SND1: variants seen among roughly 807,000 people sequenced by gnomAD.
SND1 encodes staphylococcal nuclease and tudor domain containing 1.
In SND1, 38 loss-of-function variants were observed where a neutral mutation model predicts 121.7. The observed-to-expected ratio is 0.31, with a 90% CI of 0.24 to 0.41. The LOEUF (loss-of-function observed/expected upper bound fraction) is 0.41. SND1 is among the 10% of genes least tolerant of loss of function. The pLI is 1.00. For synonymous variants in SND1, 401 were observed against 447.4 expected, an observed-to-expected ratio of 0.90 and a Z score of 1.31; for missense variants, 868 against 1,184.6, an observed-to-expected ratio of 0.73 and a Z score of 3.92.
Position 127,951,351 on chromosome 7 carries a change from G to A in SND1, c.1669+22022G>A, listed in dbSNP as rs987672292. Among the ~76,000 whole-genome samples, 5 of 152,164 alleles carry A rather than the reference G, an allele frequency of 3.3e-5. No individual in the cohort carries two copies. The South Asian group carries it at 6.2e-4, about 19-fold the overall frequency. On this transcript the variant is annotated intron_variant, in intron 15 of 23. Transcript: ENST00000354725. The stretch of plus-strand genomic sequence containing the variant: ...ACAAATATTGCATGATTCCAGTTAC[G>A]CGAGGTAACTAAAATAGTGACACTC...
intron 1 of SND1, among the ~76,000 whole-genome samples, chr7:127,681,088 C>G (rs940666612): frequency 2.0e-5 from 3 of 152,128 alleles, no homozygotes; most frequent in South Asian, 4.1e-4. Flanking sequence ...AACCTCCAGA[C>G]TCTTTTCCAA....
chr7:127,942,006 A>C (rs1801224304), intron 15 of SND1, among the ~76,000 whole-genome samples: 2 of 150,692 alleles, frequency 1.3e-5, no homozygotes, highest in Admixed American at 6.6e-5. Flanking sequence ...CATATTGCGT[A>C]GAGTGGCCAT....
At chr7:127,741,960 A>G (rs1796888430) in intron 10 of SND1, among the ~76,000 whole-genome samples, 2 of 152,240 alleles carry the variant, frequency 1.3e-5, no homozygotes, top group East Asian at 1.9e-4. Context: ...TGCTGTCCCT[A>G]TCAGGTTGGA....
chr7:127,850,520 T>C (rs1005583101), intron 12 of SND1, among the ~76,000 whole-genome samples: 1 of 152,142 alleles, frequency 6.6e-6, no homozygotes, highest in Non-Finnish European at 1.5e-5. Flanking sequence ...CAACCCTTTT[T>C]CCCCACAGAT....
chr7:127,816,496 G>A (rs1290431805), intron 11 of SND1, among the ~76,000 whole-genome samples: 1 of 151,996 alleles, frequency 6.6e-6, no homozygotes, highest in African/African-American at 2.4e-5. Flanking sequence ...CAAGTGGGCT[G>A]GGCTGAAGAG....
chr7:128,015,177 C>T lies in SND1; in HGVS notation c.1779+24121C>T, dbSNP rs1297833611. Among the ~76,000 whole-genome samples the T allele has an allele frequency of 6.6e-6, 1 of 152,216 alleles. No individual in the cohort carries two copies. The highest frequency in any genetic ancestry group is 1.5e-5 in the Non-Finnish European group (1 of 68,038). On this transcript the variant is annotated intron_variant, in intron 16 of 23. Coordinates refer to ENST00000354725, the MANE Select transcript of SND1 (RefSeq NM_014390.4). This position sits in a 1 kb window ranked among gnomAD's most constrained non-coding sequence, Gnocchi z 4.5. Reference sequence around the variant, plus strand: ...GCCATACCCAGGGATGTCTGCCACTCCCATCCCCTCTCCTGCCCTGCTTTC... The same window carrying T: ...GCCATACCCAGGGATGTCTGCCACTTCCATCCCCTCTCCTGCCCTGCTTTC...
In SND1 at chr7:127,880,739, A is replaced by G. The variant is rs1314944168; in HGVS notation, c.1344-7163A>G. On this transcript the variant is annotated intron_variant, in intron 12 of 23. Coordinates refer to ENST00000354725, the MANE Select transcript of SND1 (RefSeq NM_014390.4). ...GGGGTGTGTGTGTGTGTGTGTGTGT[A>G]TAATGGTGTTATTCCCTGTGCCCAC... is the stretch of plus-strand genomic sequence containing the variant. Among the ~76,000 whole-genome samples the G allele has an allele frequency of 3.5e-5, 5 of 143,688 alleles. No individual in the cohort carries two copies. In the East Asian group the frequency reaches 1.1e-3, roughly 32 times the overall value. The allele number at this position is 143,688 out of a possible 152,430, so 94.3% of individuals were successfully genotyped here.
rs541023909 is a variant in SND1 at position 128,052,793 on chromosome 7, G to T, written c.1780-21709G>T. ...TTTGTGCCCTGAAAATCATTCCCTC[G>T]GATTTCAGTGTTACTTCGATGGGTC... On this transcript the variant is annotated intron_variant, in intron 16 of 23. Coordinates refer to ENST00000354725, the MANE Select transcript of SND1 (RefSeq NM_014390.4). This position sits in a 1 kb window ranked among gnomAD's most constrained non-coding sequence, Gnocchi z 4.6. Among the ~76,000 whole-genome samples the T allele has an allele frequency of 6.6e-6, 1 of 152,118 alleles. No individual in the cohort carries two copies. Among genetic ancestry groups the T allele is most frequent in the South Asian group, 2.1e-4 (1 of 4,826 alleles).
intron 16 of SND1, among the ~76,000 whole-genome samples, chr7:128,035,549 T>C (rs1371317623): frequency 6.6e-6 from 1 of 152,246 alleles, no homozygotes; most frequent in Non-Finnish European, 1.5e-5. Flanking sequence ...CACAGTGACT[T>C]ACCTAAAGCT....
chr7:127,852,378 C>T (rs753758042), intron 12 of SND1, among the ~76,000 whole-genome samples: 20 of 149,466 alleles, frequency 1.3e-4, no homozygotes, highest in Non-Finnish European at 2.2e-4. Context: ...ATCTCAGCTA[C>T]TTGGGAGGCT....
intron 15 of SND1, among the ~76,000 whole-genome samples, chr7:127,950,734 A>G (rs1347674634): frequency 6.6e-6 from 1 of 152,186 alleles, no homozygotes; most frequent in African/African-American, 2.4e-5. Context: ...GCCACATCTT[A>G]CAGAGATGTA....
intron 10 of SND1, among the ~76,000 whole-genome samples, chr7:127,743,094 T>C (rs1796912940): frequency 6.6e-6 from 1 of 152,158 alleles, no homozygotes; most frequent in Non-Finnish European, 1.5e-5. Flanking sequence ...TTGTAAACTC[T>C]TTTGCCATCC....
chr7:127,929,741 C>G (rs948821727), intron 15 of SND1, among the ~76,000 whole-genome samples: 39 of 152,184 alleles, frequency 2.6e-4, no homozygotes, highest in Admixed American at 2.0e-4. Flanking sequence ...TGTAGCTCCC[C>G]AAGCAGTGCC....
intron 15 of SND1, among the ~76,000 whole-genome samples, chr7:127,954,623 A>G (rs540821030): frequency 1.1e-4 from 17 of 152,252 alleles, no homozygotes; most frequent in African/African-American, 3.6e-4. Flanking sequence ...GGATCTGGAG[A>G]GCAATATTTC....
chr7:128,031,044 AGAGGGGAGGG>A (rs891308260), intron 16 of SND1: 26 of 64,720 alleles, frequency 4.0e-4, no homozygotes, highest in Non-Finnish European at 6.5e-4. Flanking sequence ...CGGGGAGGGC[AGAGGGGAGGG>A]GAGGGGAGGG....
intron 10 of SND1, among the ~76,000 whole-genome samples, chr7:127,735,595 CT>C (rs1345556834): frequency 6.6e-6 from 1 of 152,022 alleles, no homozygotes; most frequent in Non-Finnish European, 1.5e-5. Flanking sequence ...GAGGCTGTAA[CT>C]TTTCTAAAGG....
At chr7:127,706,252 TC>T (rs796132526) in intron 8 of SND1, among the ~76,000 whole-genome samples, 751 of 63,070 alleles carry the variant, frequency 0.012, 20 homozygotes, top group African/African-American at 0.035. Flanking sequence ...TTGCCCCCCC[TC>T]CCCCCCCCCA....
chr7:127,771,980 TA>T (rs1341825802), intron 10 of SND1, among the ~76,000 whole-genome samples: 1 of 152,182 alleles, frequency 6.6e-6, no homozygotes, highest in Non-Finnish European at 1.5e-5. Context: ...ATCCATCAGA[TA>T]ATGTATGCAA....
chr7:127,714,813 T>C (rs1796359110), intron 9 of SND1, among the ~76,000 whole-genome samples: 1 of 152,268 alleles, frequency 6.6e-6, no homozygotes, highest in Non-Finnish European at 1.5e-5. Flanking sequence ...TGTTGTTGGA[T>C]GAGTCAGAAT....
Sources: gnomAD v4.1 joint callset for allele counts (sites outside exome capture counted in the v4.1 genomes callset) on GRCh38, gnomAD v4.1.1 for gene constraint, Gnocchi (gnomAD v3.1) non-coding constraint, MANE v1.5 for transcripts, NCBI Gene and HGNC (gene_info 2026-07-23, HGNC 2026-07-21) for gene names.